Variants in TMCO5A observed in about 807,000 individuals in gnomAD.
TMCO5A encodes transmembrane and coiled-coil domains 5A.
Under a neutral mutation model 42.3 loss-of-function variants are expected in TMCO5A, and 34 were observed. The observed-to-expected ratio is 0.80, with a 90% CI of 0.61 to 1.07. The LOEUF is 1.07. Ranked by LOEUF, TMCO5A falls within the 50% of genes least tolerant of loss-of-function variation. The probability of loss-of-function intolerance (pLI) is 0.00; values close to 1 mark genes in which losing one functional copy is unlikely to be tolerated. For synonymous variants in TMCO5A, 131 were observed against 115.6 expected (o/e 1.13, Z -0.86); for missense variants, 357 against 327.9 (o/e 1.09, Z -0.69).
At chr15:38,029,536 CT>C in the TMCO5A span, among the ~76,000 whole-genome samples, 7 of 150,966 alleles carry the variant, frequency 4.6e-5, no homozygotes, top group African/African-American at 1.7e-4. Flanking sequence ...ACATGGCTCA[CT>C]GCAACCTCAA....
the TMCO5A span, among the ~76,000 whole-genome samples, chr15:37,979,476 T>A: frequency 2.0e-5 from 3 of 152,134 alleles, no homozygotes; most frequent in Non-Finnish European, 4.4e-5. Context: ...ATCCACACCC[T>A]CTAAACTCAT....
chr15:37,944,936 G>A (rs959928452), intron 10 of TMCO5A, among the ~76,000 whole-genome samples: 2 of 152,040 alleles, frequency 1.3e-5, no homozygotes, highest in African/African-American at 4.8e-5. Flanking sequence ...GTAAACGTGT[G>A]CCATGGTGGT....
chr15:37,944,693 C>T (rs113712912), intron 10 of TMCO5A, among the ~76,000 whole-genome samples: 4,089 of 152,112 alleles, frequency 0.027, 161 homozygotes, highest in African/African-American at 0.079. Flanking sequence ...CCTCAACCTC[C>T]CAAGTAGCTA....
intron 11 of TMCO5A, among the ~76,000 whole-genome samples, chr15:37,957,432 T>C (rs949755014): frequency 4.3e-4 from 45 of 104,344 alleles, no homozygotes; most frequent in African/African-American, 1.0e-4. Context: ...TCACAAGCAT[T>C]CCTGTACACC....
the TMCO5A span, among the ~76,000 whole-genome samples, chr15:38,029,514 G>A: frequency 5.3e-5 from 8 of 151,986 alleles, no homozygotes; most frequent in African/African-American, 1.9e-4. Context: ...AGGCTGAAAT[G>A]CAGTGGCACA....
the TMCO5A span, among the ~76,000 whole-genome samples, chr15:37,997,212 AATG>A: frequency 6.6e-6 from 1 of 152,224 alleles, no homozygotes; most frequent in African/African-American, 2.4e-5. Context: ...CAGACATAAA[AATG>A]ATGATTCACA....
chr15:37,959,784 C>T (rs539285963), intron 11 of TMCO5A, among the ~76,000 whole-genome samples: 1 of 151,924 alleles, frequency 6.6e-6, no homozygotes, highest in South Asian at 2.1e-4. Flanking sequence ...AACATGTCCA[C>T]TTTCATGACT....
the TMCO5A span, among the ~76,000 whole-genome samples, chr15:38,011,545 C>T: frequency 2.6e-5 from 4 of 152,176 alleles, 1 homozygote; most frequent in South Asian, 8.3e-4. Flanking sequence ...GAATAGTTAC[C>T]TGCACCAAGT....
chr15:38,032,320 A>T, the TMCO5A span, among the ~76,000 whole-genome samples: 3 of 152,140 alleles, frequency 2.0e-5, no homozygotes, highest in Admixed American at 6.5e-5. Flanking sequence ...CTGCCCCACC[A>T]GATCAGGTCA....
At chr15:38,034,868 T>C in the TMCO5A span, among the ~76,000 whole-genome samples, 8,158 of 152,104 alleles carry the variant, frequency 0.054, 735 homozygotes, top group African/African-American at 0.18. Flanking sequence ...CCCTACATAA[T>C]GAGGATCTTA....
chr15:37,941,256 C>G lies in TMCO5A; in HGVS notation c.444+51C>G, dbSNP rs373244115. ...TTCTCCCCAAAAAGGGAAATGTGAT[C>G]TTTGGTCAGGCAATCTATTTCTCAA... On this transcript the variant is annotated intron_variant, in intron 7 of 11. Coordinates refer to ENST00000319669, the MANE Select transcript of TMCO5A (RefSeq NM_152453.4). 9 of 1,556,716 alleles carry G rather than the reference C, an allele frequency of 5.8e-6. No homozygotes were observed. The African/African-American group carries it at 9.5e-5, about 16-fold the overall frequency.
Position 37,943,658 on chromosome 15 carries a change from A to T in TMCO5A, c.627+260A>T, listed in dbSNP as rs1277188984. The T allele has an allele frequency of 9.2e-6, 4 of 433,608 alleles. No homozygotes were observed. The South Asian group carries it at 1.2e-4, about 13-fold the overall frequency. 26.9% of individuals were successfully genotyped at this position (433,608 alleles called of 1,614,324 possible). On this transcript the variant is annotated intron_variant, in intron 10 of 11. Coordinates refer to ENST00000319669, the MANE Select transcript of TMCO5A (RefSeq NM_152453.4). ...GAAGACCTAAGAGAACTCAGAATGG[A>T]GGCAAGAAGCAACCTTAATTGAGGG...
At chr15:37,981,830 T>G in the TMCO5A span, among the ~76,000 whole-genome samples, 1 of 152,208 alleles carries the variant, frequency 6.6e-6, no homozygotes, top group East Asian at 1.9e-4. Context: ...CTTCTCCTGA[T>G]GAATATTTAC....
intron 6 of TMCO5A, among the ~76,000 whole-genome samples, chr15:37,939,724 A>T (rs1336009602): frequency 6.6e-6 from 1 of 152,112 alleles, no homozygotes; most frequent in Non-Finnish European, 1.5e-5. Context: ...GTGAATGTAC[A>T]GAATCTCTTT....
intron 11 of TMCO5A, among the ~76,000 whole-genome samples, chr15:37,961,847 G>C (rs554025354): frequency 6.6e-6 from 1 of 151,792 alleles, no homozygotes; most frequent in African/African-American, 2.4e-5. Flanking sequence ...GTCACTCACT[G>C]TTGGTATATA....
chr15:37,990,000 T>C, the TMCO5A span, among the ~76,000 whole-genome samples: 1 of 152,086 alleles, frequency 6.6e-6, no homozygotes, highest in Non-Finnish European at 1.5e-5. Context: ...TACTTTATAT[T>C]ATATCTCTCT....
the TMCO5A span, among the ~76,000 whole-genome samples, chr15:37,977,046 A>G: frequency 7.9e-4 from 120 of 152,112 alleles, 3 homozygotes; most frequent in Non-Finnish European, 1.2e-4. Flanking sequence ...TGCTGGGATT[A>G]CAGGCATGAG....
intron 10 of TMCO5A, among the ~76,000 whole-genome samples, chr15:37,945,144 G>C (rs1423153756): frequency 2.6e-5 from 4 of 152,048 alleles, no homozygotes. Flanking sequence ...TTCTGTTCTT[G>C]GGTTAGTTGG....
the TMCO5A span, chr15:37,994,491 G>A: frequency 6.6e-6 from 1 of 151,872 alleles, no homozygotes; most frequent in Non-Finnish European, 1.5e-5. Context: ...ATGCTAAAAG[G>A]ATACCAAATA....
Sources: gnomAD v4.1 joint callset for allele counts (sites outside exome capture counted in the v4.1 genomes callset) on GRCh38, gnomAD v4.1.1 for gene constraint, MANE v1.5 for transcripts, NCBI Gene and HGNC (gene_info 2026-07-23, HGNC 2026-07-21) for gene names.